The following NGLY1 variants were observed in gnomAD, a reference collection of about 807,000 sequenced individuals.
NGLY1 encodes the protein peptide-N(4)-(N-acetyl-beta-glucosaminyl)asparagine amidase.
In NGLY1, 68 loss-of-function variants were observed where a neutral mutation model predicts 84.6. That is an observed-to-expected ratio of 0.80 (90% CI 0.66 to 0.98). NGLY1 has a LOEUF of 0.98. Ranked by LOEUF, NGLY1 falls within the 50% of genes least tolerant of loss-of-function variation. The pLI, the probability that NGLY1 is intolerant of heterozygous loss-of-function variation, is 0.00. For missense variants in NGLY1, 779 were observed against 770.2 expected, an observed-to-expected ratio of 1.01 and a Z score of -0.14; for synonymous variants, 280 against 275.2, an observed-to-expected ratio of 1.02 and a Z score of -0.17.
intron 10 of NGLY1, among the ~76,000 whole-genome samples, chr3:25,723,999 C>T (rs908268440): frequency 4.6e-5 from 7 of 152,136 alleles, no homozygotes; most frequent in Non-Finnish European, 7.3e-5. Context: ...TGTGTGTCTA[C>T]GGTTTAGGCA....
upstream of NGLY1, among the ~76,000 whole-genome samples, chr3:25,783,733 G>A (rs1183165017): frequency 6.6e-6 from 1 of 152,108 alleles, no homozygotes; most frequent in African/African-American, 2.4e-5. This position sits in a 1 kb window ranked among gnomAD's most constrained non-coding sequence, Gnocchi z 4.5. Context: ...GCCGGCAGGG[G>A]CGAGGTGCTT....
At chr3:25,754,679 A>C (rs985785812) in intron 3 of NGLY1, among the ~76,000 whole-genome samples, 9 of 152,016 alleles carry the variant, frequency 5.9e-5, no homozygotes, top group East Asian at 1.9e-4. Context: ...AAAAAAAAGC[A>C]AATGGATATG....
At position 25,753,027 on chromosome 3, in the gene NGLY1, G is replaced by C. The variant is rs1415355105; in HGVS notation, c.493-1764C>G. Among the ~76,000 whole-genome samples, 7 of 151,618 alleles carry C rather than the reference G, an allele frequency of 4.6e-5. No individual in the cohort carries two copies. In the East Asian group the frequency reaches 1.3e-3, roughly 29 times the overall value. On this transcript the variant is annotated intron_variant, in intron 3 of 11. Coordinates refer to ENST00000280700, the MANE Select transcript of NGLY1 (RefSeq NM_018297.4). ...TTCCAGAAAGACAGTAAAAACAATG[G>C]AAGAAGGCAACTGCTCAAAAAAAAA...
intron 10 of NGLY1, among the ~76,000 whole-genome samples, chr3:25,721,727 C>T (rs144411242): frequency 6.9e-4 from 72 of 104,656 alleles, no homozygotes; most frequent in African/African-American, 2.7e-3. Context: ...CCAGCCTGGG[C>T]GACAGAGCAA....
At chr3:25,761,559 C>T (rs955905345) in intron 3 of NGLY1, among the ~76,000 whole-genome samples, 4 of 152,252 alleles carry the variant, frequency 2.6e-5, no homozygotes, top group Admixed American at 2.6e-4. Context: ...AAGACAGTAA[C>T]AATGGTTGGT....
chr3:25,723,709 G>GT (rs1172958927), intron 10 of NGLY1, among the ~76,000 whole-genome samples: 2 of 151,568 alleles, frequency 1.3e-5, no homozygotes, highest in Admixed American at 1.3e-4. Flanking sequence ...TCCTAACATC[G>GT]TGAGTTATTT....
chr3:25,783,449 G>T, upstream of NGLY1: 1 of 1,433,432 alleles, frequency 7.0e-7, no homozygotes, highest in Non-Finnish European at 9.1e-7. The surrounding 1 kb of genome is among the most constrained non-coding windows in gnomAD (Gnocchi z 4.5). Flanking sequence ...ACACTGAGCA[G>T]GCGCCTCAGC....
chr3:25,736,593 T>G, intron 6 of NGLY1: 1 of 443,372 alleles, frequency 2.3e-6, no homozygotes. Flanking sequence ...CACTAACTAT[T>G]AATGGAAGGT....
At chr3:25,783,952 C>T (rs66927313), upstream of NGLY1, 12,568 of 152,130 alleles carry the variant, frequency 0.083, 1,143 homozygotes, top group African/African-American at 0.23. This position sits in a 1 kb window ranked among gnomAD's most constrained non-coding sequence, Gnocchi z 4.5. Context: ...AAACCCGGAT[C>T]CCTTTGCGCT....
chr3:25,742,867 G>T (rs2125493674), intron 4 of NGLY1, among the ~76,000 whole-genome samples: 1 of 109,896 alleles, frequency 9.1e-6, no homozygotes, highest in East Asian at 3.2e-4. Flanking sequence ...GCCTATGAAT[G>T]TAGTTACCTT....
At chr3:25,743,240 G>A (rs1283026901) in intron 4 of NGLY1, among the ~76,000 whole-genome samples, 1 of 152,150 alleles carries the variant, frequency 6.6e-6, no homozygotes, top group South Asian at 2.1e-4. Flanking sequence ...TTCTGGAACT[G>A]TAAGAATAAA....
intron 2 of NGLY1, among the ~76,000 whole-genome samples, chr3:25,774,285 G>C (rs138250533): frequency 0.011 from 1,659 of 152,340 alleles, 13 homozygotes; most frequent in Non-Finnish European, 0.016. Context: ...ATCAGCTGCA[G>C]TAGTATCAAG....
chr3:25,734,076 A>G, intron 7 of NGLY1, 94 bp from the exon 8 acceptor site: 1 of 1,520,952 alleles, frequency 6.6e-7, no homozygotes. Context: ...TTTTAAATGC[A>G]TTTTTTTGGA....
intron 3 of NGLY1, chr3:25,755,190 G>A (rs1460107882): frequency 7.5e-7 from 1 of 1,330,440 alleles, no homozygotes; most frequent in Non-Finnish European, 1.1e-6. Flanking sequence ...CCCCCAAGAG[G>A]TTTCTTACTG....
At chr3:25,750,257 T>G (rs1317956433) in intron 4 of NGLY1, among the ~76,000 whole-genome samples, 1 of 152,094 alleles carries the variant, frequency 6.6e-6, no homozygotes, top group Non-Finnish European at 1.5e-5. Context: ...CGTGATTCAA[T>G]TACCTCCAAC....
At chr3:25,784,331 T>A (rs1708556528), upstream of NGLY1, among the ~76,000 whole-genome samples, 1 of 152,206 alleles carries the variant, frequency 6.6e-6, no homozygotes, top group African/African-American at 2.4e-5. Context: ...AACACATGCA[T>A]AATAATTACG....
At chr3:25,733,470 T>TAC (rs1559533585) in intron 8 of NGLY1, among the ~76,000 whole-genome samples, 2 of 30,510 alleles carry the variant, frequency 6.6e-5, no homozygotes. Context: ...CATGGACGTG[T>TAC]GTGTGTGTGT....
At chr3:25,740,481 A>T (rs1240433295) in intron 4 of NGLY1, among the ~76,000 whole-genome samples, 2 of 152,200 alleles carry the variant, frequency 1.3e-5, no homozygotes, top group East Asian at 3.8e-4. Context: ...GGGAAAATCA[A>T]TCTTAAAAAC....
rs112237307 is a variant in NGLY1, at chr3:25,729,165, T to C, written c.1579A>G (p.Ile527Val). The C allele has an allele frequency of 2.7e-4, 415 of 1,539,154 alleles. 3 individuals are homozygous for C. The African/African-American group carries it at 5.1e-3, about 19-fold the overall frequency. Residue 527 changes from isoleucine (I) to valine (V), a missense_variant, in exon 10 of 12, where the codon ATA becomes GTA. Transcript: ENST00000280700. ...WENGVWKMES[I>V]FRKVETDWHM... ...CAGTCTGTTTCAACTTTTCTGAATA[T>C]AGATTCCATTTTCCACACGCCATTC...
Sources: allele counts gnomAD v4.1 joint callset (sites outside exome capture counted in the v4.1 genomes callset), GRCh38; gene constraint gnomAD v4.1.1; non-coding constraint Gnocchi (gnomAD v3.1); transcripts MANE v1.5; gene names NCBI Gene and HGNC (gene_info 2026-07-23, HGNC 2026-07-21).